Variants in PTK2B observed in about 807,000 individuals in gnomAD.
PTK2B encodes the protein protein-tyrosine kinase 2-beta.
In PTK2B, 71 loss-of-function variants were observed where a neutral mutation model predicts 142.9. The observed-to-expected ratio is 0.50, with a 90% CI of 0.41 to 0.61. The LOEUF is 0.61. Among genes scored for constraint, PTK2B ranks in the 20% least tolerant of loss-of-function variants. The pLI is 0.00. For missense variants in PTK2B, 1,105 were observed against 1,320.4 expected, an observed-to-expected ratio of 0.84 and a Z score of 2.53; for synonymous variants, 519 against 503.4, an observed-to-expected ratio of 1.03 and a Z score of -0.42.
intron 2 of PTK2B, among the ~76,000 whole-genome samples, chr8:27,401,910 T>C (rs1173864285): frequency 1.3e-5 from 2 of 152,132 alleles, no homozygotes; most frequent in Non-Finnish European, 2.9e-5. Flanking sequence ...ATGGTGATGA[T>C]GACAGTAGTG....
At chr8:27,366,948 G>A (rs980103084) in intron 1 of PTK2B, among the ~76,000 whole-genome samples, 1 of 152,078 alleles carries the variant, frequency 6.6e-6, no homozygotes, top group African/African-American at 2.4e-5. Flanking sequence ...GGCTGAGTGT[G>A]GTGGCTCGGC....
chr8:27,376,131 C>T (rs1482721740), intron 1 of PTK2B, among the ~76,000 whole-genome samples: 1 of 152,192 alleles, frequency 6.6e-6, no homozygotes, highest in Non-Finnish European at 1.5e-5. Context: ...GGGTGCTTGA[C>T]CTTCAAAGCC....
At chr8:27,420,138 G>T in intron 3 of PTK2B, 65 bp downstream of exon 3, 3 of 1,584,242 alleles carry the variant, frequency 1.9e-6, no homozygotes, top group Middle Eastern at 1.7e-4. Flanking sequence ...GAGGCCCTGG[G>T]AGTTTCTCCC....
upstream of PTK2B, among the ~76,000 whole-genome samples, chr8:27,324,286 G>A (rs1209410758): frequency 6.6e-6 from 1 of 152,232 alleles, no homozygotes; most frequent in Non-Finnish European, 1.5e-5. Flanking sequence ...AAAATGCTGA[G>A]TGCTGGGAAC....
At chr8:27,411,584 T>G (rs557762023) in intron 2 of PTK2B, among the ~76,000 whole-genome samples, 2 of 152,326 alleles carry the variant, frequency 1.3e-5, no homozygotes, top group East Asian at 3.9e-4. Context: ...GGACTGTGGC[T>G]CAGGGAGCTT....
chr8:27,446,034 A>T (rs1785539951), intron 24 of PTK2B, 115 bp downstream of exon 24: 3 of 1,454,194 alleles, frequency 2.1e-6, no homozygotes, highest in East Asian at 2.4e-5. Context: ...TCCTGTTCCC[A>T]TGCACCAGTC....
exon 1 of PTK2B, chr8:27,311,524 G>A: frequency 2.0e-6 from 1 of 491,440 alleles, no homozygotes; most frequent in Non-Finnish European, 3.6e-6. Context: ...CCTGGCCGGG[G>A]TAGCACGGAA....
At chr8:27,360,592 C>T (rs760531644) in intron 1 of PTK2B, among the ~76,000 whole-genome samples, 9 of 146,224 alleles carry the variant, frequency 6.2e-5, no homozygotes, top group Non-Finnish European at 9.0e-5. Flanking sequence ...GCTCCTGAAC[C>T]GGTGGCAGAA....
chr8:27,326,496 C>T (rs1586080387), intron 1 of PTK2B, among the ~76,000 whole-genome samples: 1 of 152,166 alleles, frequency 6.6e-6, no homozygotes, highest in South Asian at 2.1e-4. Flanking sequence ...TCCAAGTCCG[C>T]TCATTTAAGG....
intron 1 of PTK2B, among the ~76,000 whole-genome samples, chr8:27,337,882 T>G (rs781459632): frequency 1.8e-4 from 27 of 152,328 alleles, no homozygotes; most frequent in Non-Finnish European, 3.2e-4. Flanking sequence ...GCTATAGACT[T>G]AAGAGTGGAG....
chr8:27,379,919 T>C (rs1806909161), intron 1 of PTK2B, among the ~76,000 whole-genome samples: 1 of 152,162 alleles, frequency 6.6e-6, no homozygotes, highest in Non-Finnish European at 1.5e-5. Flanking sequence ...TTTTTTGTAT[T>C]TTAGTAGAGA....
At chr8:27,416,471 G>A (rs995516914) in intron 2 of PTK2B, among the ~76,000 whole-genome samples, 14 of 152,114 alleles carry the variant, frequency 9.2e-5, no homozygotes, top group African/African-American at 3.4e-4. Flanking sequence ...TTTTGAAAAT[G>A]AATACCATAT....
Position 27,420,045 on chromosome 8 carries a change from G to A in PTK2B, c.355G>A (p.Glu119Lys). ...MTVGEVQDKYECLHVEAEWRY... is the reference protein window; with the variant it reads ...MTVGEVQDKYKCLHVEAEWRY... ...GGTGGGTGAGGTGCAGGACAAGTAT[G>A]AGTGTCTGCACGTGGAAGCCGAGTG... The change falls in exon 3 of 31, where the codon GAG becomes AAG. Residue 119 changes from glutamate to lysine, a missense_variant. Physicochemically the swap from Glu to Lys is moderately conservative, Grantham distance 56. Coordinates refer to ENST00000346049, the MANE Select transcript of PTK2B (RefSeq NM_173176.3). 6.2e-7 allele frequency: 1 copy of A among 1,614,208 alleles called. No homozygotes were observed.
chr8:27,421,118 G>A (rs1231591189), intron 4 of PTK2B, among the ~76,000 whole-genome samples: 1 of 152,096 alleles, frequency 6.6e-6, no homozygotes, highest in Non-Finnish European at 1.5e-5. Context: ...TAGCCTGGGG[G>A]ACCTCATTTA....
chr8:27,442,969 G>A lies in PTK2B; in HGVS notation c.2134G>A (p.Glu712Lys). The change falls in exon 22 of 31, where the codon GAA (glutamate) becomes AAA (lysine). Residue 712 changes from glutamate (E) to lysine (K), a missense_variant. Glu to Lys is a moderately conservative substitution (Grantham distance 56). Coordinates refer to ENST00000346049, the MANE Select transcript of PTK2B (RefSeq NM_173176.3). ...PKILEPTAFQ[E>K]PPPKPSRPKY... is the part of the protein sequence containing the mutation. ...AATCTTGGAGCCCACAGCCTTCCAG[G>A]AACCCCCACCCAAGGTAAGCCAAGC... 1.2e-6 allele frequency: 2 copies of A among 1,613,814 alleles called. No individual in the cohort carries two copies. Among genetic ancestry groups the A allele is most frequent in the Non-Finnish European group, 1.7e-6 (2 of 1,179,736 alleles).
chr8:27,442,185 G>C (rs913071436), intron 21 of PTK2B, among the ~76,000 whole-genome samples: 1 of 152,022 alleles, frequency 6.6e-6, no homozygotes, highest in Non-Finnish European at 1.5e-5. Flanking sequence ...AAAATGTAGT[G>C]GGCTATATAA....
At chr8:27,314,539 C>G (rs1436861005) in intron 3 of PTK2B, among the ~76,000 whole-genome samples, 1 of 152,230 alleles carries the variant, frequency 6.6e-6, no homozygotes, top group Non-Finnish European at 1.5e-5. Flanking sequence ...AAATATCCTC[C>G]CCATAGGGCG....
At chr8:27,436,371 A>G in intron 15 of PTK2B, 23 bp downstream of exon 15, 1 of 1,579,232 alleles carries the variant, frequency 6.3e-7, no homozygotes, top group Non-Finnish European at 8.7e-7. Flanking sequence ...ATCTTCCCTT[A>G]CACTCCTCTT....
upstream of PTK2B, chr8:27,310,909 G>T (rs955229406): frequency 6.2e-7 from 1 of 1,612,726 alleles, no homozygotes; most frequent in Non-Finnish European, 8.5e-7. Context: ...GGCAGAAGAG[G>T]CTGAGCTGTC....
Sources: allele counts gnomAD v4.1 joint callset (sites outside exome capture counted in the v4.1 genomes callset), GRCh38; gene constraint gnomAD v4.1.1; transcripts MANE v1.5; gene names NCBI Gene and HGNC (gene_info 2026-07-23, HGNC 2026-07-21).